The following ENOX2 variants were observed in gnomAD, a reference collection of about 807,000 sequenced individuals.
ENOX2 encodes the protein APK1 antigen.
In ENOX2, 36 loss-of-function variants were observed where a neutral mutation model predicts 45.0. That is an observed-to-expected ratio of 0.80 (90% CI 0.61 to 1.06). ENOX2 has a LOEUF of 1.06. Ranked by LOEUF, ENOX2 falls within the 50% of genes least tolerant of loss-of-function variation. The pLI is 0.00. For missense variants in ENOX2, 423 were observed against 462.5 expected (o/e 0.91, Z 0.78); for synonymous variants, 174 against 152.3 (o/e 1.14, Z -1.05).
At chrX:130,856,841 AC>A (rs1028496106) in intron 2 of ENOX2, among the ~76,000 whole-genome samples, 2 of 111,765 alleles carry the variant, frequency 1.8e-5, no homozygotes, top group Non-Finnish European at 3.8e-5. Context: ...TAAGTCAATA[AC>A]AAAGAAGTAT....
intron 3 of ENOX2, among the ~76,000 whole-genome samples, chrX:130,730,945 A>G (rs1213180269): frequency 9.0e-6 from 1 of 111,200 alleles, no homozygotes. Flanking sequence ...TGTTGATGTT[A>G]ATGCTGGAGG....
chrX:130,823,409 C>A (rs921161012), intron 2 of ENOX2, among the ~76,000 whole-genome samples: 54 of 111,082 alleles, frequency 4.9e-4, no homozygotes, highest in African/African-American at 1.7e-3. Context: ...CTAAAAAAAT[C>A]TTCTAGTAGT....
chrX:130,892,948 G>A (rs1010168505), intron 2 of ENOX2, among the ~76,000 whole-genome samples: 1 of 112,365 alleles, frequency 8.9e-6, no homozygotes, highest in Non-Finnish European at 1.9e-5. Flanking sequence ...TAAATGGTGA[G>A]TATCTGGGTG....
intron 2 of ENOX2, among the ~76,000 whole-genome samples, chrX:130,870,699 T>C (rs969103739): frequency 2.7e-5 from 3 of 111,735 alleles, no homozygotes; most frequent in Non-Finnish European, 3.8e-5. Context: ...ACCTTGCCAA[T>C]TGCTACTTGT....
chrX:130,672,295 T>C (rs1458241503), intron 6 of ENOX2, among the ~76,000 whole-genome samples: 2 of 112,089 alleles, frequency 1.8e-5, no homozygotes, highest in African/African-American at 3.2e-5. Flanking sequence ...AGAATTCTAA[T>C]GGTGACTGGG....
intron 6 of ENOX2, among the ~76,000 whole-genome samples, chrX:130,678,838 A>G (rs2037222941): frequency 8.9e-6 from 1 of 111,900 alleles, no homozygotes; most frequent in South Asian, 3.8e-4. Flanking sequence ...TCTGCCTAGC[A>G]GTCAATAAAT....
intron 4 of ENOX2, among the ~76,000 whole-genome samples, chrX:130,690,436 A>T (rs1382697370): frequency 3.6e-5 from 4 of 112,339 alleles, no homozygotes; most frequent in African/African-American, 1.3e-4. Context: ...TTTCTGTGAG[A>T]GAAGGGAGTG....
chrX:130,900,790 C>T (rs966683049), intron 2 of ENOX2, among the ~76,000 whole-genome samples: 5 of 111,959 alleles, frequency 4.5e-5, no homozygotes, highest in African/African-American at 1.6e-4. Flanking sequence ...GCATTTTGTA[C>T]CTGTCTCTGT....
At chrX:130,704,830 C>T (rs1032941253) in intron 3 of ENOX2, among the ~76,000 whole-genome samples, 5 of 112,295 alleles carry the variant, frequency 4.5e-5, no homozygotes, top group Non-Finnish European at 9.4e-5. Flanking sequence ...TCATTAATTA[C>T]AGTCAGAAGT....
intron 6 of ENOX2, among the ~76,000 whole-genome samples, chrX:130,673,174 C>T (rs934914654): frequency 1.8e-5 from 2 of 111,584 alleles, no homozygotes; most frequent in Admixed American, 9.5e-5. Flanking sequence ...ACCCAACATA[C>T]GCTACAGTCA....
chrX:130,716,834 G>A (rs768536969), intron 3 of ENOX2, among the ~76,000 whole-genome samples: 5 of 112,449 alleles, frequency 4.4e-5, no homozygotes, highest in Non-Finnish European at 9.4e-5. Flanking sequence ...GCAAACACAT[G>A]TGAGTTATTA....
chrX:130,774,569 T>G (rs2148379112), intron 3 of ENOX2, among the ~76,000 whole-genome samples: 1 of 112,256 alleles, frequency 8.9e-6, no homozygotes, highest in East Asian at 2.8e-4. Context: ...GTATTAGCTA[T>G]TAGTAGTAGT....
intron 2 of ENOX2, among the ~76,000 whole-genome samples, chrX:130,869,413 C>T (rs991095622): frequency 4.5e-5 from 5 of 111,430 alleles, no homozygotes; most frequent in Non-Finnish European, 9.4e-5. Flanking sequence ...CTGCACCTCC[C>T]AACTTATTAC....
At chrX:130,651,973 T>C (rs2036413640) in intron 10 of ENOX2, among the ~76,000 whole-genome samples, 1 of 111,776 alleles carries the variant, frequency 8.9e-6, no homozygotes, top group Non-Finnish European at 1.9e-5. Flanking sequence ...TTCCTTTTTA[T>C]TGAACAACAA....
intron 2 of ENOX2, among the ~76,000 whole-genome samples, chrX:130,824,769 C>T (rs1054648762): frequency 1.8e-5 from 2 of 111,406 alleles, no homozygotes; most frequent in South Asian, 3.8e-4. Flanking sequence ...CCAATAAACA[C>T]ATGGAAAGCT....
At chrX:130,805,872 T>G (rs1194857777) in intron 2 of ENOX2, among the ~76,000 whole-genome samples, 1 of 111,860 alleles carries the variant, frequency 8.9e-6, no homozygotes, top group Non-Finnish European at 1.9e-5. Context: ...CTGAAGAGGA[T>G]GAGAGGAAAC....
intron 2 of ENOX2, among the ~76,000 whole-genome samples, chrX:130,809,647 A>G (rs2077359951): frequency 8.9e-6 from 1 of 111,832 alleles, no homozygotes; most frequent in Non-Finnish European, 1.9e-5. Context: ...AATTGTGAGT[A>G]GAACAATTTA....
chrX:130,754,434 A>G (rs2039301578), intron 3 of ENOX2, among the ~76,000 whole-genome samples: 3 of 111,545 alleles, frequency 2.7e-5, no homozygotes, highest in African/African-American at 6.5e-5. Flanking sequence ...GTTGTCCACT[A>G]GTGAAAAACA....
chrX:130,626,237 G>C (rs1442976549), intron 14 of ENOX2, among the ~76,000 whole-genome samples: 1 of 112,142 alleles, frequency 8.9e-6, no homozygotes, highest in African/African-American at 3.2e-5. Context: ...CTAGGCCTAG[G>C]CTAGGAGGGC....
Sources: allele counts gnomAD v4.1 joint callset (sites outside exome capture counted in the v4.1 genomes callset), GRCh38; gene constraint gnomAD v4.1.1; transcripts MANE v1.5; gene names NCBI Gene and HGNC (gene_info 2026-07-23, HGNC 2026-07-21).